USH2A: variants seen among roughly 807,000 people sequenced by gnomAD.
USH2A encodes Usher syndrome 2A (autosomal recessive, mild).
Under a neutral mutation model 538.9 loss-of-function variants are expected in USH2A, and 443 were observed. The ratio of observed to expected loss-of-function variants is 0.82; its 90% CI spans 0.76 to 0.89. USH2A has a LOEUF of 0.89. Ranked by LOEUF, USH2A falls within the 40% of genes least tolerant of loss-of-function variation. The pLI is 0.00. For synonymous variants in USH2A, 2,413 were observed against 2,273.5 expected (o/e 1.06, Z -1.75); for missense variants, 6,633 against 6,324.8 (o/e 1.05, Z -1.65).
At chr1:216,268,663 T>A (rs2036520093) in intron 11 of USH2A, among the ~76,000 whole-genome samples, 1 of 152,150 alleles carries the variant, frequency 6.6e-6, no homozygotes. Context: ...ATTCCTACTC[T>A]TTCTTCTGCT....
At chr1:216,113,752 T>C (rs1228491941) in intron 21 of USH2A, among the ~76,000 whole-genome samples, 1 of 152,016 alleles carries the variant, frequency 6.6e-6, no homozygotes, top group African/African-American at 2.4e-5. Context: ...TATTTTTGTT[T>C]TAAAATCTAA....
intron 3 of USH2A, among the ~76,000 whole-genome samples, chr1:216,396,650 C>T (rs2039218717): frequency 1.3e-5 from 2 of 152,164 alleles, no homozygotes; most frequent in South Asian, 4.1e-4. Context: ...CAAGAATTTC[C>T]AGTCATAAGA....
chr1:215,851,188 C>CA (rs1303252288), intron 44 of USH2A, among the ~76,000 whole-genome samples: 3 of 151,828 alleles, frequency 2.0e-5, no homozygotes, highest in Admixed American at 6.6e-5. Flanking sequence ...AAGAAATAAC[C>CA]AAAATCAAAG....
chr1:216,334,374 A>T (rs1273388000), intron 4 of USH2A, among the ~76,000 whole-genome samples: 1 of 152,018 alleles, frequency 6.6e-6, no homozygotes, highest in South Asian at 2.1e-4. Context: ...ACTAGAAGAT[A>T]ACTTTTTAAC....
intron 56 of USH2A, among the ~76,000 whole-genome samples, chr1:215,760,386 C>T (rs547510487): frequency 7.5e-4 from 114 of 152,162 alleles, no homozygotes; most frequent in African/African-American, 2.6e-3. Context: ...CTGCTTTTCT[C>T]TCTTCCTTTC....
intron 21 of USH2A, among the ~76,000 whole-genome samples, chr1:216,146,070 G>A (rs550082585): frequency 1.3e-5 from 2 of 152,254 alleles, no homozygotes; most frequent in African/African-American, 2.4e-5. Flanking sequence ...GCTGTGACTC[G>A]GATCGGGGGA....
At chr1:216,177,521 C>T (rs1210962343) in intron 20 of USH2A, among the ~76,000 whole-genome samples, 1 of 152,134 alleles carries the variant, frequency 6.6e-6, no homozygotes, top group Non-Finnish European at 1.5e-5. Flanking sequence ...GTCCAGGCAA[C>T]TAACTTTGGT....
chr1:216,006,849 C>T, intron 32 of USH2A, among the ~76,000 whole-genome samples: 1 of 152,144 alleles, frequency 6.6e-6, no homozygotes, highest in East Asian at 1.9e-4. Flanking sequence ...TTCTTCCGTC[C>T]TTCCCTGCTA....
intron 21 of USH2A, among the ~76,000 whole-genome samples, chr1:216,131,607 G>A (rs543936602): frequency 2.0e-5 from 3 of 151,828 alleles, no homozygotes; most frequent in Non-Finnish European, 2.9e-5. Flanking sequence ...ATCAGTAAAG[G>A]GCCAGTATGT....
Position 215,817,155 on chromosome 1 carries a change from C to A in USH2A, c.9412G>T (p.Gly3138Cys). The A allele has an allele frequency of 1.2e-6, 2 of 1,612,596 alleles. No individual in the cohort carries two copies. The highest frequency in any genetic ancestry group is 1.7e-6 in the Non-Finnish European group (2 of 1,178,958). ...IDWVSPRKPN[G>C]IILGYDLLWK... ...AGGAGATCATATCCAAGAATGATGCCATTTGGCTTCCGTGGAGACACCCAA... is the reference window on the plus strand; with the variant it reads ...AGGAGATCATATCCAAGAATGATGCAATTTGGCTTCCGTGGAGACACCCAA... Residue 3138 changes from glycine to cysteine, a missense_variant, in exon 48 of 72, where the codon GGC becomes TGC. By Grantham distance (159) the Gly-to-Cys change is radical. Coordinates refer to ENST00000307340, the MANE Select transcript of USH2A (RefSeq NM_206933.4).
At chr1:216,067,486 G>A (rs2031417433) in intron 30 of USH2A, among the ~76,000 whole-genome samples, 1 of 148,262 alleles carries the variant, frequency 6.7e-6, no homozygotes, top group African/African-American at 2.5e-5. Flanking sequence ...TACACTCACG[G>A]CCAGGGAGAG....
chr1:215,939,826 C>T (rs1212438266), intron 37 of USH2A, among the ~76,000 whole-genome samples: 3 of 152,042 alleles, frequency 2.0e-5, no homozygotes, highest in Non-Finnish European at 4.4e-5. Context: ...ATTTGACTGG[C>T]TGGCCATTTC....
At chr1:216,050,782 T>G (rs2030753563) in intron 30 of USH2A, among the ~76,000 whole-genome samples, 1 of 151,062 alleles carries the variant, frequency 6.6e-6, no homozygotes, top group Non-Finnish European at 1.5e-5. Context: ...TTTTTTTGTA[T>G]TTTTAGTAGA....
chr1:216,077,982 T>G (rs1338333297), intron 27 of USH2A, 107 bp downstream of exon 27: 2 of 1,364,004 alleles, frequency 1.5e-6, no homozygotes, highest in Non-Finnish European at 2.1e-6. Flanking sequence ...TGCTGTTGGG[T>G]GCTGCTTTTA....
At chr1:215,877,709 G>A in intron 43 of USH2A, 49 bp downstream of exon 43, 1 of 1,611,100 alleles carries the variant, frequency 6.2e-7, no homozygotes, top group Non-Finnish European at 8.5e-7. Context: ...TATTCAACAT[G>A]CCCAGAACTA....
intron 35 of USH2A, among the ~76,000 whole-genome samples, chr1:215,976,215 G>A (rs7523914): frequency 0.16 from 24,064 of 152,134 alleles, 2,152 homozygotes; most frequent in African/African-American, 0.24. Context: ...ACTTTCTGGT[G>A]GAATCTTTTG....
intron 64 of USH2A, among the ~76,000 whole-genome samples, chr1:215,667,688 A>G (rs1174887064): frequency 6.6e-6 from 1 of 151,896 alleles, no homozygotes; most frequent in Non-Finnish European, 1.5e-5. Flanking sequence ...ACAGAGCGAG[A>G]CTGTGTCTCA....
At chr1:215,922,886 A>G (rs754500460) in intron 38 of USH2A, among the ~76,000 whole-genome samples, 30 of 152,118 alleles carry the variant, frequency 2.0e-4, no homozygotes, top group African/African-American at 7.2e-4. Context: ...AGTTATTACT[A>G]GAACTCAGGG....
intron 27 of USH2A, among the ~76,000 whole-genome samples, chr1:216,076,669 T>C (rs2031764233): frequency 6.6e-6 from 1 of 152,202 alleles, no homozygotes; most frequent in Non-Finnish European, 1.5e-5. Flanking sequence ...CTTAAGTGCC[T>C]TGAAAATGTC....
Sources: gnomAD v4.1 joint callset for allele counts (sites outside exome capture counted in the v4.1 genomes callset) on GRCh38, gnomAD v4.1.1 for gene constraint, MANE v1.5 for transcripts, NCBI Gene and HGNC (gene_info 2026-07-23, HGNC 2026-07-21) for gene names.